Variants in DENND5A observed in about 807,000 individuals in gnomAD.
DENND5A encodes the protein DENN domain-containing protein 5A.
DENND5A carries 64 observed loss-of-function variants against 140.3 expected under a neutral mutation model. The ratio of observed to expected loss-of-function variants is 0.46; its 90% CI spans 0.37 to 0.56. The LOEUF is 0.56. Ranked by LOEUF, DENND5A falls within the 20% of genes least tolerant of loss-of-function variation. The probability of loss-of-function intolerance (pLI) is 0.00; values close to 1 mark genes in which losing one functional copy is unlikely to be tolerated. For missense variants in DENND5A, 1,292 were observed against 1,593.8 expected, an observed-to-expected ratio of 0.81 and a Z score of 3.22; for synonymous variants, 605 against 607.7, an observed-to-expected ratio of 1.00 and a Z score of 0.07.
chr11:9,169,401 G>A (rs561775469), intron 10 of DENND5A, among the ~76,000 whole-genome samples: 3 of 151,892 alleles, frequency 2.0e-5, no homozygotes, highest in East Asian at 1.9e-4. Context: ...AGCCGAGATC[G>A]CTCCACTGCA....
At chr11:9,161,867 T>C (rs1478074844) in intron 11 of DENND5A, among the ~76,000 whole-genome samples, 1 of 151,780 alleles carries the variant, frequency 6.6e-6, no homozygotes, top group African/African-American at 2.4e-5. Context: ...ATAGTCTAAG[T>C]ATAGTTTAAT....
chr11:9,244,360 A>C (rs1281590005), intron 1 of DENND5A, among the ~76,000 whole-genome samples: 2 of 151,744 alleles, frequency 1.3e-5, no homozygotes, highest in Admixed American at 6.6e-5. Context: ...TAATTTATTT[A>C]TTTTATTTAT....
At position 9,204,248 on chromosome 11, in the gene DENND5A, T is replaced by C; in HGVS notation, c.361A>G (p.Ile121Val). 6.2e-7 allele frequency: 1 copy of C among 1,614,016 alleles called. No homozygotes were observed. Among genetic ancestry groups the C allele is most frequent in the Non-Finnish European group, 8.5e-7 (1 of 1,180,016 alleles). Residue 121 changes from isoleucine (I) to valine (V), a missense_variant, in exon 4 of 23, where the codon ATT (isoleucine) becomes GTT (valine). By Grantham distance (29) the Ile-to-Val change is conservative. Transcript: ENST00000328194. ...DPREPQFHAF[I>V]ITREDGSRTF... The stretch of plus-strand genomic sequence containing the variant: ...CGAGAGCCATCCTCCCTTGTGATAA[T>C]AAAGGCATGGAATTGGGGCTCCCTG...
At chr11:9,210,432 C>T (rs1311852151) in intron 1 of DENND5A, among the ~76,000 whole-genome samples, 1 of 152,186 alleles carries the variant, frequency 6.6e-6, no homozygotes, top group African/African-American at 2.4e-5. Flanking sequence ...CAAGGAAGTA[C>T]AGTTCAAATC....
chr11:9,147,661 G>C (rs926312100), intron 15 of DENND5A, among the ~76,000 whole-genome samples: 2 of 152,188 alleles, frequency 1.3e-5, no homozygotes, highest in African/African-American at 4.8e-5. Context: ...GGCGAGAAAG[G>C]GCAGGCTTCT....
intron 1 of DENND5A, among the ~76,000 whole-genome samples, chr11:9,221,620 C>A (rs1399255652): frequency 3.9e-5 from 6 of 152,118 alleles, no homozygotes; most frequent in African/African-American, 1.4e-4. Flanking sequence ...TCTGCCTCGG[C>A]CTCCCAAACT....
In DENND5A at chr11:9,143,566, C is replaced by T. The variant is rs80261324; in HGVS notation, c.3305-81G>A. 6.6e-4 allele frequency: 779 copies of T among 1,173,872 alleles called. 2 individuals carry two copies. In the African/African-American group the frequency reaches 9.7e-3, roughly 15 times the overall value. The allele number at this position is 1,173,872 out of a possible 1,614,324, so 72.7% of individuals were successfully genotyped here. A position where few individuals can be genotyped will look rare whatever the true frequency, so the allele number is the denominator to read the frequency against. Reference sequence around the variant, plus strand: ...CTGCCTGAGCAGGAGACTGAGGACACGGGGAGGGCCCATAGGAGAGGCAGG... The same window carrying T: ...CTGCCTGAGCAGGAGACTGAGGACATGGGGAGGGCCCATAGGAGAGGCAGG... On this transcript the variant is annotated intron_variant, in intron 19 of 22. Coordinates refer to ENST00000328194, the MANE Select transcript of DENND5A (RefSeq NM_015213.4).
In DENND5A at chr11:9,246,860, A is replaced by G. The variant is rs538367551; in HGVS notation, c.109+18101T>C. On this transcript the variant is annotated intron_variant, in intron 1 of 22. Transcript: ENST00000328194. ...CAGCGCTTCCTTTTAGGCTTAAATC[A>G]ATGTGTAACCTCCAAGTATTGATTC... Among the ~76,000 whole-genome samples, 138 of 152,244 alleles carry G rather than the reference A, an allele frequency of 9.1e-4. 2 individuals carry two copies. Among genetic ancestry groups the G allele is most frequent in the African/African-American group, 3.1e-3 (130 of 41,536 alleles).
At chr11:9,173,152 A>G (rs1191222126) in intron 8 of DENND5A, among the ~76,000 whole-genome samples, 2 of 152,202 alleles carry the variant, frequency 1.3e-5, no homozygotes, top group African/African-American at 4.8e-5. Context: ...GAGTACTGAA[A>G]GGAAAAAGCT....
At chr11:9,184,209 C>T (rs1342493102) in intron 5 of DENND5A, among the ~76,000 whole-genome samples, 7 of 151,908 alleles carry the variant, frequency 4.6e-5, no homozygotes, top group African/African-American at 9.7e-5. Flanking sequence ...AAAAATTAGC[C>T]GGGCGTGGTG....
chr11:9,260,320 A>C (rs1852142019), intron 1 of DENND5A, among the ~76,000 whole-genome samples: 1 of 152,110 alleles, frequency 6.6e-6, no homozygotes, highest in African/African-American at 2.4e-5. Context: ...AAGCAGAGAC[A>C]AGGAAAATAA....
At chr11:9,146,271 T>C (rs766895852) in intron 16 of DENND5A, among the ~76,000 whole-genome samples, 18 of 152,140 alleles carry the variant, frequency 1.2e-4, no homozygotes, top group Non-Finnish European at 2.5e-4. Context: ...TAAATTCCAG[T>C]CCAGGGCTAC....
At chr11:9,187,443 C>G (rs556768562) in intron 5 of DENND5A, among the ~76,000 whole-genome samples, 54 of 152,218 alleles carry the variant, frequency 3.5e-4, no homozygotes, top group African/African-American at 1.3e-3. Flanking sequence ...TCCCCCAAAT[C>G]CCAAGAAGTC....
chr11:9,179,891 A>G (rs1047423144), intron 6 of DENND5A, among the ~76,000 whole-genome samples: 1 of 152,232 alleles, frequency 6.6e-6, no homozygotes, highest in Admixed American at 6.5e-5. Context: ...CAAAAAAAAA[A>G]TCTGCTCCAC....
intron 8 of DENND5A, among the ~76,000 whole-genome samples, chr11:9,177,082 C>CT (rs1848568239): frequency 6.6e-6 from 1 of 151,826 alleles, no homozygotes; most frequent in Admixed American, 6.6e-5. Flanking sequence ...TGGCGAGACT[C>CT]TGTCTCTAAA....
chr11:9,255,316 C>T (rs140467916), intron 1 of DENND5A, among the ~76,000 whole-genome samples: 2 of 152,120 alleles, frequency 1.3e-5, no homozygotes, highest in Non-Finnish European at 2.9e-5. Context: ...CACGGCCGGG[C>T]GCGGTGGCTC....
At chr11:9,262,652 T>A (rs1852255528) in intron 1 of DENND5A, among the ~76,000 whole-genome samples, 1 of 152,056 alleles carries the variant, frequency 6.6e-6, no homozygotes, top group South Asian at 2.1e-4. Context: ...ACTTACTACA[T>A]ATGAAAAAGA....
intron 15 of DENND5A, among the ~76,000 whole-genome samples, chr11:9,147,442 G>A (rs150380767): frequency 2.0e-5 from 3 of 152,310 alleles, no homozygotes; most frequent in South Asian, 2.1e-4. Flanking sequence ...TCTAAACTGA[G>A]GGCTGGAATG....
At position 9,145,782 on chromosome 11, in the gene DENND5A, T is replaced by C. The variant is rs756152982; in HGVS notation, c.2891A>G (p.Lys964Arg). The change falls in exon 17 of 23, where the codon AAG becomes AGG. Residue 964 changes from lysine to arginine, a missense_variant. By Grantham distance (26) the Lys-to-Arg change is conservative (BLOSUM62 2). Coordinates refer to ENST00000328194, the MANE Select transcript of DENND5A (RefSeq NM_015213.4). ...AGTGAACATGGAGCCCCCCAGCTTC[T>C]TGCTTGGTACGATCAGAATGTGGTA... Reference protein sequence around the residue: ...IPYHILIVPSKKLGGSMFTAN... With the variant: ...IPYHILIVPSRKLGGSMFTAN... The C allele has an allele frequency of 1.2e-6, 2 of 1,614,088 alleles. No homozygotes were observed. The highest frequency in any genetic ancestry group is 1.3e-5 in the African/African-American group (1 of 74,940).
Sources: allele counts gnomAD v4.1 joint callset (sites outside exome capture counted in the v4.1 genomes callset), GRCh38; gene constraint gnomAD v4.1.1; transcripts MANE v1.5; gene names NCBI Gene and HGNC (gene_info 2026-07-23, HGNC 2026-07-21).